Variants in HGD observed in about 807,000 individuals in gnomAD.
HGD encodes the protein homogentisate oxidase.
HGD carries 61 observed loss-of-function variants against 60.8 expected under a neutral mutation model. The observed-to-expected ratio is 1.00, with a 90% CI of 0.82 to 1.24. HGD has a LOEUF of 1.24. Among genes scored for constraint, HGD ranks in the 50% most tolerant of loss-of-function variants. The pLI is 0.00. For synonymous variants in HGD, 212 were observed against 187.7 expected, an observed-to-expected ratio of 1.13 and a Z score of -1.06; for missense variants, 542 against 547.1, an observed-to-expected ratio of 0.99 and a Z score of 0.09.
Position 120,668,469 on chromosome 3 carries a change from T to C in HGD, c.282+1958A>G, listed in dbSNP as rs552667026. Among the ~76,000 whole-genome samples the C allele has an allele frequency of 6.6e-5, 10 of 151,716 alleles. No individual in the cohort carries two copies. The East Asian group carries it at 1.9e-3, about 30-fold the overall frequency. On this transcript the variant is annotated intron_variant, in intron 4 of 13. Coordinates refer to ENST00000283871, the MANE Select transcript of HGD (RefSeq NM_000187.4). ...GGCAGGTATAGACAAAATGTCATGG[T>C]AAACAAAGGGGAAGCAGGAGATTTC... is the stretch of plus-strand genomic sequence containing the variant.
At chr3:120,660,008 G>A (rs897134465) in intron 4 of HGD, among the ~76,000 whole-genome samples, 3 of 152,036 alleles carry the variant, frequency 2.0e-5, no homozygotes, top group African/African-American at 4.8e-5. Flanking sequence ...TCTTGGTGCT[G>A]TTCTCATGAC....
At chr3:120,633,113 G>A (rs1441585003) in intron 13 of HGD, 34 bp downstream of exon 13, 1 of 1,607,346 alleles carries the variant, frequency 6.2e-7, no homozygotes, top group African/African-American at 1.3e-5. Context: ...GGGGAGTTCA[G>A]AGGCCGCTGG....
intron 13 of HGD, among the ~76,000 whole-genome samples, chr3:120,630,897 A>G (rs1429324574): frequency 6.7e-6 from 1 of 149,836 alleles, no homozygotes; most frequent in African/African-American, 2.5e-5. Flanking sequence ...AATACTATGC[A>G]GCCATAAAAA....
Position 120,646,332 on chromosome 3 carries a change from T to C in HGD, c.584A>G (p.Glu195Gly). The C allele has an allele frequency of 6.2e-7, 1 of 1,613,616 alleles. No individual in the cohort carries two copies. Among genetic ancestry groups the C allele is most frequent in the East Asian group, 2.2e-5 (1 of 44,872 alleles). The change falls in exon 9 of 14, where the codon GAG (glutamate) becomes GGG (glycine). Residue 195 changes from glutamate to glycine, a missense_variant. Glu to Gly is a moderately conservative substitution (Grantham distance 98). This residue lies in a region of HGD where 537 missense variants were observed against 529.1 expected (regional missense o/e 1.01). Transcript: ENST00000283871. ...GMRFSIDVFE[E>G]TRGYILEVYG... is the part of the protein sequence containing the mutation. ...GACCTCCAAGATGTAGCCCCTGGTC[T>C]CCTCAAAGACATCTATGCTGAACCG...
intron 4 of HGD, among the ~76,000 whole-genome samples, chr3:120,664,561 G>A (rs1362915069): frequency 6.6e-6 from 1 of 151,462 alleles, no homozygotes; most frequent in Non-Finnish European, 1.5e-5. Context: ...CTGAGTGCCT[G>A]GGACTACCGG....
chr3:120,676,785 C>G (rs921852384), intron 1 of HGD, among the ~76,000 whole-genome samples: 1 of 152,102 alleles, frequency 6.6e-6, no homozygotes, highest in Non-Finnish European at 1.5e-5. Flanking sequence ...GAAATGTAAC[C>G]ATCTGAACAC....
In HGD at chr3:120,628,512, T is replaced by C. The variant is rs140500816; in HGVS notation, c.1206A>G (p.Ser402=). Residue 402 remains serine (S), a synonymous_variant, in exon 14 of 14, where the codon TCA becomes TCG. Transcript: ENST00000283871. ...ADGTMAFMFE[S]SLSLAVTKWG... is the part of the protein sequence containing the mutation. ...ACTTTGTGACCGCCAGACTTAAAGA[T>C]GATTCAAACATAAATGCCTGGAGGA... 1.1e-4 allele frequency: 178 copies of C among 1,614,018 alleles called. No homozygotes were observed. Among genetic ancestry groups the C allele is most frequent in the Middle Eastern group, 9.9e-4 (6 of 6,056 alleles).
chr3:120,668,586 A>C (rs1029311384), intron 4 of HGD, among the ~76,000 whole-genome samples: 4 of 151,788 alleles, frequency 2.6e-5, no homozygotes, highest in Non-Finnish European at 5.9e-5. Context: ...TTCAGAGTAA[A>C]AAATAATATA....
intron 4 of HGD, among the ~76,000 whole-genome samples, chr3:120,655,540 G>C (rs1163751416): frequency 6.6e-6 from 1 of 152,320 alleles, no homozygotes; most frequent in East Asian, 1.9e-4. Context: ...CCCCAAGGTG[G>C]TTCTGATAAA....
At chr3:120,670,105 C>T (rs1047941722) in intron 4 of HGD, among the ~76,000 whole-genome samples, 12 of 152,070 alleles carry the variant, frequency 7.9e-5, no homozygotes, top group East Asian at 1.9e-4. Context: ...TCTCTCCTGC[C>T]GCCATATGAA....
At chr3:120,670,669 G>A (rs1708007048) in intron 3 of HGD, 137 bp from the exon 4 acceptor site, 2 of 710,798 alleles carry the variant, frequency 2.8e-6, no homozygotes, top group Non-Finnish European at 5.2e-6. Flanking sequence ...AAGCAGTGAA[G>A]CAATGATACA....
chr3:120,678,534 C>T (rs1179268800), intron 1 of HGD, among the ~76,000 whole-genome samples: 2 of 152,160 alleles, frequency 1.3e-5, no homozygotes, highest in East Asian at 3.8e-4. Flanking sequence ...GTGTTTGGAA[C>T]ACGAGTTAGT....
chr3:120,653,211 C>T (rs1387854513), intron 4 of HGD, among the ~76,000 whole-genome samples: 2 of 152,170 alleles, frequency 1.3e-5, no homozygotes, highest in Non-Finnish European at 2.9e-5. Context: ...CCAAACCCCA[C>T]GTTTGTCCCT....
intron 1 of HGD, 22 bp from the exon 2 acceptor site, chr3:120,675,885 A>G (rs1708121006): frequency 6.3e-7 from 1 of 1,581,320 alleles, no homozygotes; most frequent in African/African-American, 1.3e-5. Context: ...AAAGACACAA[A>G]TGCCACCATT....
At chr3:120,672,521 C>T (rs933791993) in intron 3 of HGD, among the ~76,000 whole-genome samples, 2 of 152,186 alleles carry the variant, frequency 1.3e-5, no homozygotes, top group African/African-American at 4.8e-5. Flanking sequence ...TGGCCTGGCC[C>T]AACATTGAGC....
In HGD at chr3:120,644,555, T is replaced by C. The variant is rs770192944; in HGVS notation, c.650-112A>G. On this transcript the variant is annotated intron_variant, in intron 9 of 13. Transcript: ENST00000283871. ...TCATGTCAAGAGCTACTCCACAAAT[T>C]GCTTTCATTGCTCAAAGATTCACTG... 3.2e-6 allele frequency: 5 copies of C among 1,572,646 alleles called. No individual in the cohort carries two copies. The South Asian group carries it at 5.7e-5, about 18-fold the overall frequency.
In HGD at chr3:120,646,385, A is replaced by T; in HGVS notation, c.550-19T>A. 2 of 1,471,768 alleles carry T rather than the reference A, an allele frequency of 1.4e-6. No homozygotes were observed. The highest frequency in any genetic ancestry group is 1.4e-5 in the African/African-American group (1 of 72,148). The allele number at this position is 1,471,768 out of a possible 1,614,324, so 91.2% of individuals were successfully genotyped here. ...TTCCTCTCTGGAATGGAAAGCAGAC[A>T]CTGGTGTGCCCTCTGAAATCACAGC... On this transcript the variant is annotated intron_variant, in intron 8 of 13. Transcript: ENST00000283871.
At chr3:120,656,328 C>T (rs1941493247) in intron 4 of HGD, among the ~76,000 whole-genome samples, 1 of 152,152 alleles carries the variant, frequency 6.6e-6, no homozygotes, top group Non-Finnish European at 1.5e-5. Flanking sequence ...AGTCCTACAA[C>T]TTTTAAAAAT....
At chr3:120,648,850 G>A (rs768665178) in intron 6 of HGD, among the ~76,000 whole-genome samples, 18 of 152,298 alleles carry the variant, frequency 1.2e-4, no homozygotes, top group South Asian at 4.1e-4. Flanking sequence ...CATATTAATA[G>A]TTTGACTATT....
Sources: allele counts gnomAD v4.1 joint callset (sites outside exome capture counted in the v4.1 genomes callset), GRCh38; gene constraint gnomAD v4.1.1; regional missense constraint gnomAD v4.1.1; transcripts MANE v1.5; gene names NCBI Gene and HGNC (gene_info 2026-07-23, HGNC 2026-07-21).